Variants in CDH4 observed in about 807,000 individuals in gnomAD.
The protein encoded by CDH4 is cadherin-4.
A neutral mutation model predicts 86.0 loss-of-function variants in CDH4; 33 were observed. The ratio of observed to expected loss-of-function variants is 0.38; its 90% CI spans 0.29 to 0.51. The LOEUF is 0.51. CDH4 is among the 20% of genes least tolerant of loss of function. The pLI is 0.86. For missense variants in CDH4, 1,114 were observed against 1,307.4 expected (o/e 0.85, Z 2.28); for synonymous variants, 555 against 549.4 (o/e 1.01, Z -0.14).
chr20:61,849,591 C>G (rs961102481), intron 5 of CDH4, among the ~76,000 whole-genome samples: 1 of 152,128 alleles, frequency 6.6e-6, no homozygotes, highest in Non-Finnish European at 1.5e-5. Context: ...GGACCTGCCT[C>G]TAGGCTCACT....
In CDH4 at chr20:61,518,363, G is replaced by A. The variant is rs945087138; in HGVS notation, c.170-225200G>A. Among the ~76,000 whole-genome samples the A allele has an allele frequency of 9.9e-5, 15 of 152,142 alleles. No individual in the cohort carries two copies. The highest frequency in any genetic ancestry group is 1.9e-4 in the Non-Finnish European group (13 of 68,026). Reference sequence around the variant, plus strand: ...TCTGTTCCACCTAAAGGAAAGGTACGTTATCAGATAGGCTGGAATTTGGCC... The same window carrying A: ...TCTGTTCCACCTAAAGGAAAGGTACATTATCAGATAGGCTGGAATTTGGCC... On this transcript the variant is annotated intron_variant, in intron 2 of 15. Coordinates refer to ENST00000614565, the MANE Select transcript of CDH4 (RefSeq NM_001794.5). This position sits in a 1 kb window ranked among gnomAD's most constrained non-coding sequence, Gnocchi z 6.3.
At chr20:61,661,414 C>T (rs186398036) in intron 2 of CDH4, among the ~76,000 whole-genome samples, 2 of 150,474 alleles carry the variant, frequency 1.3e-5, no homozygotes, top group East Asian at 1.9e-4. Flanking sequence ...AACTAAGTCT[C>T]TGTTAGAACA....
rs530944237 is a variant in CDH4 at position 61,864,425 on chromosome 20, G to A, written c.878-9303G>A. ...CATGCAGCCAGAAACCCTGTCCATC[G>A]AACATCCTGCCACTTGGAGCCTGTG... On this transcript the variant is annotated intron_variant, in intron 6 of 15. Coordinates refer to ENST00000614565, the MANE Select transcript of CDH4 (RefSeq NM_001794.5). Among the ~76,000 whole-genome samples the A allele has an allele frequency of 2.3e-4, 35 of 152,330 alleles. No homozygotes were observed. In the East Asian group the frequency reaches 4.4e-3, roughly 19 times the overall value.
At chr20:61,591,906 C>T (rs1405420288) in intron 2 of CDH4, among the ~76,000 whole-genome samples, 5 of 13,882 alleles carry the variant, frequency 3.6e-4, no homozygotes, top group Non-Finnish European at 4.4e-4. Context: ...CCATGGCAGA[C>T]ACAAACTTTC....
intron 2 of CDH4, among the ~76,000 whole-genome samples, chr20:61,737,542 T>C (rs1375560947): frequency 6.6e-6 from 1 of 152,098 alleles, no homozygotes. Flanking sequence ...TGTCATCACC[T>C]GGCCACTGAC....
intron 2 of CDH4, among the ~76,000 whole-genome samples, chr20:61,602,605 G>A (rs967309846): frequency 6.7e-6 from 1 of 149,808 alleles, no homozygotes; most frequent in Non-Finnish European, 1.5e-5. Context: ...GCAGAGGGAA[G>A]CTCATTCCAG....
intron 4 of CDH4, among the ~76,000 whole-genome samples, chr20:61,782,424 C>A (rs1454125350): frequency 6.6e-6 from 1 of 152,110 alleles, no homozygotes; most frequent in Admixed American, 6.5e-5. Context: ...AGGCCAGAAA[C>A]AAATGACACC....
At chr20:61,301,658 C>T (rs1253178575) in intron 2 of CDH4, among the ~76,000 whole-genome samples, 3 of 152,204 alleles carry the variant, frequency 2.0e-5, no homozygotes, top group African/African-American at 7.2e-5. Context: ...ATCATATGCA[C>T]AGATCATAAT....
intron 2 of CDH4, among the ~76,000 whole-genome samples, chr20:61,484,167 G>T (rs1181517384): frequency 6.6e-6 from 1 of 152,052 alleles, no homozygotes; most frequent in African/African-American, 2.4e-5. Flanking sequence ...CCATACCTGA[G>T]GTCCCAACAC....
At chr20:61,758,653 G>A (rs1489358975) in intron 3 of CDH4, among the ~76,000 whole-genome samples, 4 of 152,142 alleles carry the variant, frequency 2.6e-5, no homozygotes, top group Admixed American at 1.3e-4. Flanking sequence ...ACGTGGCACC[G>A]CGTCCCATGT....
chr20:61,252,627 C>G lies in CDH4; in HGVS notation c.57+57C>G. On this transcript the variant is annotated intron_variant, in intron 1 of 15. Transcript: ENST00000614565. This position sits in a 1 kb window ranked among gnomAD's most constrained non-coding sequence, Gnocchi z 4.4. ...GAAGCCCCGGGCAGCGGGAGGTCGT[C>G]CCCGGATCCCGCGGGGCGCTCACAC... 9.4e-7 allele frequency: 1 copy of G among 1,066,044 alleles called. No individual in the cohort carries two copies. Among genetic ancestry groups the G allele is most frequent in the African/African-American group, 1.7e-5 (1 of 60,256 alleles). 66.0% of individuals were successfully genotyped at this position (1,066,044 alleles called of 1,614,324 possible). A position where few individuals can be genotyped will look rare whatever the true frequency, so the allele number is the denominator to read the frequency against.
intron 4 of CDH4, among the ~76,000 whole-genome samples, chr20:61,826,428 T>C (rs998298209): frequency 1.3e-5 from 2 of 152,196 alleles, no homozygotes; most frequent in South Asian, 4.1e-4. Context: ...AGGCCTCTGC[T>C]CCAGGGCCAC....
At chr20:61,793,828 G>C (rs1284798570) in intron 4 of CDH4, among the ~76,000 whole-genome samples, 2 of 128,856 alleles carry the variant, frequency 1.6e-5, no homozygotes, top group Non-Finnish European at 3.2e-5. Flanking sequence ...GACAGAGTGA[G>C]ACTGCATTTA....
chr20:61,629,277 G>A (rs2086861578), intron 2 of CDH4, among the ~76,000 whole-genome samples: 2 of 152,300 alleles, frequency 1.3e-5, no homozygotes, highest in African/African-American at 4.8e-5. Context: ...CCCAGCCGGA[G>A]CCCTCCAGGA....
At chr20:61,257,310 G>C (rs986397505) in intron 2 of CDH4, among the ~76,000 whole-genome samples, 2 of 152,208 alleles carry the variant, frequency 1.3e-5, no homozygotes, top group African/African-American at 4.8e-5. Flanking sequence ...ACTTGTTTAT[G>C]ATAAATGGAT....
At chr20:61,379,730 C>G (rs973823902) in intron 2 of CDH4, among the ~76,000 whole-genome samples, 4 of 152,198 alleles carry the variant, frequency 2.6e-5, no homozygotes, top group African/African-American at 9.7e-5. Flanking sequence ...CCAGGACATT[C>G]TTTCCTGTTC....
At chr20:61,838,359 G>A (rs1981974698) in intron 4 of CDH4, among the ~76,000 whole-genome samples, 1 of 152,056 alleles carries the variant, frequency 6.6e-6, no homozygotes, top group Non-Finnish European at 1.5e-5. Flanking sequence ...GCAGGCAGGG[G>A]AACAGACAGA....
At chr20:61,880,371 T>C (rs1256812269) in intron 7 of CDH4, among the ~76,000 whole-genome samples, 1 of 152,184 alleles carries the variant, frequency 6.6e-6, no homozygotes, top group Non-Finnish European at 1.5e-5. Context: ...AATATGGCTA[T>C]GTTGTCTTGC....
chr20:61,579,208 C>A (rs937945811), intron 2 of CDH4, among the ~76,000 whole-genome samples: 1 of 152,122 alleles, frequency 6.6e-6, no homozygotes, highest in Non-Finnish European at 1.5e-5. Flanking sequence ...CTCACTTTAC[C>A]CCACTCGAGC....
Sources: gnomAD v4.1 joint callset for allele counts (sites outside exome capture counted in the v4.1 genomes callset) on GRCh38, gnomAD v4.1.1 for gene constraint, Gnocchi (gnomAD v3.1) non-coding constraint, MANE v1.5 for transcripts, NCBI Gene and HGNC (gene_info 2026-07-23, HGNC 2026-07-21) for gene names.